Variants in POMK observed in about 807,000 individuals in gnomAD.
POMK encodes the protein Sugen kinase 196.
POMK carries 19 observed loss-of-function variants against 23.0 expected under a neutral mutation model. The ratio of observed to expected loss-of-function variants is 0.83; its 90% CI spans 0.58 to 1.21. The LOEUF (loss-of-function observed/expected upper bound fraction) is 1.21, where lower values mean the gene tolerates loss of function less well. Ranked by LOEUF, POMK falls within the 50% of genes most tolerant of loss-of-function variation. The probability of loss-of-function intolerance (pLI) is 0.00; values close to 1 mark genes in which losing one functional copy is unlikely to be tolerated. For synonymous variants in POMK, 173 were observed against 171.6 expected (o/e 1.01, Z -0.06); for missense variants, 410 against 431.3 (o/e 0.95, Z 0.44).
intron 4 of POMK, among the ~76,000 whole-genome samples, chr8:43,119,868 C>T (rs747477903): frequency 2.6e-5 from 4 of 151,654 alleles, no homozygotes; most frequent in African/African-American, 4.8e-5. Context: ...ATGAACCTCC[C>T]TTCTTAGATC....
intron 1 of POMK, 29 bp from the exon 2 acceptor site, chr8:43,097,495 T>G (rs1157120028): frequency 6.6e-6 from 1 of 152,174 alleles, no homozygotes. Context: ...TTATGATTTT[T>G]TTTTTCTCTG....
chr8:43,119,057 C>G (rs868394943), intron 4 of POMK, among the ~76,000 whole-genome samples: 1 of 152,084 alleles, frequency 6.6e-6, no homozygotes, highest in Non-Finnish European at 1.5e-5. Flanking sequence ...GTGATCCACC[C>G]GCCTCGGCCT....
chr8:43,117,151 T>C (rs1223754933), intron 4 of POMK, among the ~76,000 whole-genome samples: 2 of 152,146 alleles, frequency 1.3e-5, no homozygotes, highest in East Asian at 3.8e-4. Context: ...GGAGCGGCCA[T>C]TTACACTTCT....
At chr8:43,120,675 C>T (rs1388519826) in intron 4 of POMK, among the ~76,000 whole-genome samples, 1 of 147,982 alleles carries the variant, frequency 6.8e-6, no homozygotes, top group Non-Finnish European at 1.5e-5. Flanking sequence ...TTCTTAATTT[C>T]TTTCTTTTTT....
Position 43,122,430 on chromosome 8 carries a change from G to A in POMK, c.606G>A (p.Met202Ile). 1.2e-6 allele frequency: 2 copies of A among 1,614,184 alleles called. No homozygotes were observed. The highest frequency in any genetic ancestry group is 1.7e-6 in the Non-Finnish European group (2 of 1,180,032). Residue 202 changes from methionine (M) to isoleucine (I), a missense_variant, in exon 5 of 5, where the codon ATG becomes ATA. Transcript: ENST00000331373. Reference protein sequence around the residue: ...LHHSPVGTRVMCDSNDLPKTL... With the variant: ...LHHSPVGTRVICDSNDLPKTL... ...ACAGCCCTGTGGGCACACGGGTCATGTGCGACTCCAACGACCTGCCGAAGA... is the reference window on the plus strand; with the variant it reads ...ACAGCCCTGTGGGCACACGGGTCATATGCGACTCCAACGACCTGCCGAAGA...
chr8:43,114,648 G>A (rs2130616388), intron 4 of POMK, among the ~76,000 whole-genome samples: 1 of 152,372 alleles, frequency 6.6e-6, no homozygotes, highest in Middle Eastern at 3.4e-3. Context: ...GCACTCCCTA[G>A]TGAGGTGAAC....
At chr8:43,102,836 C>A (rs1307630554) in intron 3 of POMK, among the ~76,000 whole-genome samples, 1 of 152,228 alleles carries the variant, frequency 6.6e-6, no homozygotes, top group Non-Finnish European at 1.5e-5. Context: ...GCGGTAGAGC[C>A]CACACATTAT....
chr8:43,096,993 G>C (rs142042504), intron 1 of POMK, among the ~76,000 whole-genome samples: 3,725 of 152,296 alleles, frequency 0.024, 234 homozygotes, highest in Admixed American at 0.14. Context: ...ACCCATCCCT[G>C]TAGTCAGTCC....
At chr8:43,120,149 C>G (rs991224781) in intron 4 of POMK, among the ~76,000 whole-genome samples, 2 of 151,394 alleles carry the variant, frequency 1.3e-5, no homozygotes, top group Non-Finnish European at 2.9e-5. Context: ...TTAAATTTGT[C>G]TCGTTTTATG....
At chr8:43,113,718 GT>G (rs1186992005) in intron 4 of POMK, among the ~76,000 whole-genome samples, 1 of 152,186 alleles carries the variant, frequency 6.6e-6, no homozygotes, top group African/African-American at 2.4e-5. Context: ...TTTCTGCTCT[GT>G]TTTTTCCCCA....
At chr8:43,108,847 A>C (rs975009687) in intron 4 of POMK, among the ~76,000 whole-genome samples, 12 of 152,258 alleles carry the variant, frequency 7.9e-5, no homozygotes, top group African/African-American at 2.9e-4. Flanking sequence ...AGCCACAAAG[A>C]CACAATTAAC....
At chr8:43,094,376 C>A (rs1036148606) in intron 1 of POMK, among the ~76,000 whole-genome samples, 7 of 152,140 alleles carry the variant, frequency 4.6e-5, no homozygotes, top group Non-Finnish European at 1.0e-4. Flanking sequence ...CCAAACCAAA[C>A]CAAAACAAAA....
chr8:43,115,693 A>C (rs374924697), intron 4 of POMK, among the ~76,000 whole-genome samples: 4 of 152,212 alleles, frequency 2.6e-5, no homozygotes, highest in African/African-American at 9.7e-5. Context: ...TCTTCAGTCT[A>C]TTCTGAACAC....
chr8:43,116,642 T>C (rs951370098), intron 4 of POMK, among the ~76,000 whole-genome samples: 3 of 152,330 alleles, frequency 2.0e-5, no homozygotes, highest in African/African-American at 4.8e-5. Context: ...CCTTGAACAA[T>C]GTGGAGATTA....
intron 4 of POMK, among the ~76,000 whole-genome samples, chr8:43,106,351 TC>T (rs1407169051): frequency 2.0e-5 from 3 of 152,178 alleles, no homozygotes. Context: ...GTTATTTTTT[TC>T]TGTTGAGATG....
At chr8:43,106,204 G>T (rs1369178156) in intron 4 of POMK, among the ~76,000 whole-genome samples, 2 of 152,078 alleles carry the variant, frequency 1.3e-5, no homozygotes, top group Non-Finnish European at 2.9e-5. Context: ...GGGTGAGATG[G>T]TATCTCATTG....
rs1811958909 is a variant in POMK, at chr8:43,123,108, G to A, written c.*231G>A. On this transcript the variant is annotated 3_prime_UTR_variant, in exon 5 of 5. Transcript: ENST00000331373. ...GTCTTGCTCTGTTGCTGAGGCTGGA[G>A]TGCAGTGATGTGATCTTGGCTCACT... is the stretch of plus-strand genomic sequence containing the variant. The A allele has an allele frequency of 1.5e-5, 7 of 456,706 alleles. No homozygotes were observed. The highest frequency in any genetic ancestry group is 2.7e-5 in the Non-Finnish European group (7 of 255,782). The allele number at this position is 456,706 out of a possible 1,614,324, so 28.3% of individuals were successfully genotyped here.
rs572311501 is a variant in POMK, at chr8:43,110,793, A to G, written c.282+6963A>G. Among the ~76,000 whole-genome samples, 28 of 152,274 alleles carry G rather than the reference A, an allele frequency of 1.8e-4. No individual in the cohort carries two copies. In the South Asian group the frequency reaches 5.8e-3, roughly 32 times the overall value. On this transcript the variant is annotated intron_variant, in intron 4 of 4. Transcript: ENST00000331373. ...GCCGGGCGTTGTGCTGGGTGCATAT[A>G]TTCCAAGCTACTCGGGAGGCTGAGG...
intron 1 of POMK, among the ~76,000 whole-genome samples, chr8:43,095,287 C>A (rs1245512047): frequency 6.6e-6 from 1 of 152,062 alleles, no homozygotes; most frequent in Non-Finnish European, 1.5e-5. Context: ...ACAATTACAT[C>A]CACTTCACAG....
Sources: allele counts gnomAD v4.1 joint callset (sites outside exome capture counted in the v4.1 genomes callset), GRCh38; gene constraint gnomAD v4.1.1; transcripts MANE v1.5; gene names NCBI Gene and HGNC (gene_info 2026-07-23, HGNC 2026-07-21).